The following BRAF variants were observed in gnomAD, a reference collection of about 807,000 sequenced individuals.
BRAF encodes serine/threonine-protein kinase B-raf.
A neutral mutation model predicts 104.6 loss-of-function variants in BRAF; 16 were observed. The observed-to-expected ratio is 0.15, with a 90% CI of 0.10 to 0.23. The LOEUF is 0.23. BRAF is among the 10% of genes least tolerant of loss of function. The pLI is 1.00. For missense variants in BRAF, 541 were observed against 937.3 expected, an observed-to-expected ratio of 0.58 and a Z score of 5.52; for synonymous variants, 310 against 341.6, an observed-to-expected ratio of 0.91 and a Z score of 1.02.
intron 8 of BRAF, among the ~76,000 whole-genome samples, chr7:140,793,504 A>C (rs990383283): frequency 2.0e-4 from 31 of 151,984 alleles, no homozygotes; most frequent in African/African-American, 7.5e-4. Context: ...AAAATTTATA[A>C]GTTTTTCTTT....
intron 1 of BRAF, among the ~76,000 whole-genome samples, chr7:140,871,956 C>A (rs1397342230): frequency 1.3e-5 from 2 of 152,086 alleles, no homozygotes; most frequent in East Asian, 3.9e-4. Context: ...GTGGCTCATG[C>A]CTGTAATCCT....
rs1015148003 is a variant in BRAF at position 140,720,215 on chromosome 7, A to G, written c.*6279T>C. On this transcript the variant is annotated 3_prime_UTR_variant, in exon 20 of 20. Coordinates refer to ENST00000644969, the MANE Select transcript of BRAF (RefSeq NM_001374258.1). ...AAAGGATCAGATGTACAACCAACAA[A>G]TGAGATTACCACAAATACATATCAC... 3 of 1,062,534 alleles carry G rather than the reference A, an allele frequency of 2.8e-6. No individual in the cohort carries two copies. In the African/African-American group the frequency reaches 4.9e-5, roughly 17 times the overall value. 65.8% of individuals were successfully genotyped at this position (1,062,534 alleles called of 1,614,324 possible). A position where few individuals can be genotyped will look rare whatever the true frequency, so the allele number is the denominator to read the frequency against.
chr7:140,789,957 T>TG (rs1463063310), intron 8 of BRAF, among the ~76,000 whole-genome samples: 4 of 152,230 alleles, frequency 2.6e-5, no homozygotes, highest in African/African-American at 9.6e-5. Context: ...CTTGAACTCC[T>TG]GACCTCAGGC....
chr7:140,721,833 C>T lies in BRAF; in HGVS notation c.*4661G>A. On this transcript the variant is annotated 3_prime_UTR_variant, in exon 20 of 20. Transcript: ENST00000644969. ...GTCATAAAGGATGCCTTGAGACCTC[C>T]ACCCTGGCCCCCACAGCGCTTTGGG... The T allele has an allele frequency of 7.4e-7, 1 of 1,352,840 alleles. No homozygotes were observed. Among genetic ancestry groups the T allele is most frequent in the Non-Finnish European group, 9.5e-7 (1 of 1,054,990 alleles). The allele number at this position is 1,352,840 out of a possible 1,614,324, so 83.8% of individuals were successfully genotyped here. A position where few individuals can be genotyped will look rare whatever the true frequency, so the allele number is the denominator to read the frequency against.
chr7:140,736,081 T>G (rs2130878690), intron 18 of BRAF, among the ~76,000 whole-genome samples: 1 of 151,284 alleles, frequency 6.6e-6, no homozygotes, highest in South Asian at 2.1e-4. Context: ...CCTTTTTTTT[T>G]TTTTTTTGAG....
At chr7:140,777,492 C>T (rs749064945) in intron 13 of BRAF, among the ~76,000 whole-genome samples, 1 of 152,030 alleles carries the variant, frequency 6.6e-6, no homozygotes, top group Non-Finnish European at 1.5e-5. Context: ...CTTTTTTTTC[C>T]GCACTCTGGA....
intron 5 of BRAF, among the ~76,000 whole-genome samples, chr7:140,804,708 A>G (rs1405825467): frequency 6.6e-6 from 1 of 152,158 alleles, no homozygotes; most frequent in East Asian, 1.9e-4. Flanking sequence ...TACCCTGACT[A>G]TATACAACAT....
chr7:140,726,036 A>C lies in BRAF; in HGVS notation c.*458T>G, dbSNP rs904605529. The C allele has an allele frequency of 1.3e-5, 14 of 1,070,948 alleles. No homozygotes were observed. The African/African-American group carries it at 2.0e-4, about 15-fold the overall frequency. The allele number at this position is 1,070,948 out of a possible 1,614,324, so 66.3% of individuals were successfully genotyped here. A position where few individuals can be genotyped will look rare whatever the true frequency, so the allele number is the denominator to read the frequency against. ...GTGGTCACTAGGGGAAAGAGCTCCA[A>C]AACAAAATTCCAGAACAGGAAAGAG... On this transcript the variant is annotated 3_prime_UTR_variant, in exon 20 of 20. Coordinates refer to ENST00000644969, the MANE Select transcript of BRAF (RefSeq NM_001374258.1).
chr7:140,798,755 G>A (rs118120087), intron 7 of BRAF, among the ~76,000 whole-genome samples: 2,610 of 151,930 alleles, frequency 0.017, 23 homozygotes, highest in South Asian at 0.035. Flanking sequence ...AGGAGTTCGA[G>A]AAATGTTCCA....
At position 140,723,088 on chromosome 7, in the gene BRAF, T is replaced by A. The variant is rs1795397183; in HGVS notation, c.*3406A>T. The A allele has an allele frequency of 9.5e-7, 1 of 1,051,438 alleles. No homozygotes were observed. 65.1% of individuals were successfully genotyped at this position (1,051,438 alleles called of 1,614,324 possible). On this transcript the variant is annotated 3_prime_UTR_variant, in exon 20 of 20. Transcript: ENST00000644969. ...ACCTCATTCTGAAGAGGTAGTTTTT[T>A]GTAGAGGTCACCTGAACCCTGCAAT...
Position 140,720,232 on chromosome 7 carries a change from A to G in BRAF, c.*6262T>C, listed in dbSNP as rs781451017. The G allele has an allele frequency of 4.3e-4, 462 of 1,062,662 alleles. No individual in the cohort carries two copies. Among genetic ancestry groups the G allele is most frequent in the Non-Finnish European group, 5.1e-4 (450 of 877,750 alleles). 65.8% of individuals were successfully genotyped at this position (1,062,662 alleles called of 1,614,324 possible). On this transcript the variant is annotated 3_prime_UTR_variant, in exon 20 of 20. Coordinates refer to ENST00000644969, the MANE Select transcript of BRAF (RefSeq NM_001374258.1). Reference sequence around the variant, plus strand: ...ACCAACAAATGAGATTACCACAAATACATATCACTGTGATACAGTCCTCAA... The same window carrying G: ...ACCAACAAATGAGATTACCACAAATGCATATCACTGTGATACAGTCCTCAA...
intron 1 of BRAF, among the ~76,000 whole-genome samples, chr7:140,862,701 A>T (rs1319550108): frequency 6.6e-6 from 1 of 152,138 alleles, no homozygotes; most frequent in African/African-American, 2.4e-5. Flanking sequence ...TGTTGACTTA[A>T]GGCTGGGGGG....
chr7:140,847,563 A>G (rs1808698715), intron 2 of BRAF, among the ~76,000 whole-genome samples: 1 of 152,036 alleles, frequency 6.6e-6, no homozygotes, highest in African/African-American at 2.4e-5. Flanking sequence ...AGCCCGGGAG[A>G]CAGCAAGATT....
At chr7:140,857,238 C>T (rs141521382) in intron 1 of BRAF, among the ~76,000 whole-genome samples, 2 of 152,202 alleles carry the variant, frequency 1.3e-5, no homozygotes, top group East Asian at 1.9e-4. Context: ...GAAGATGCTA[C>T]ACTGCTGACC....
At chr7:140,918,463 T>C (rs1817854247) in intron 1 of BRAF, among the ~76,000 whole-genome samples, 1 of 152,162 alleles carries the variant, frequency 6.6e-6, no homozygotes, top group African/African-American at 2.4e-5. Flanking sequence ...ACTCACCTCC[T>C]GCGGTGTAGT....
chr7:140,893,490 C>T (rs1465666380), intron 1 of BRAF, among the ~76,000 whole-genome samples: 3 of 152,110 alleles, frequency 2.0e-5, no homozygotes, highest in Non-Finnish European at 4.4e-5. Context: ...ACCTCGTGAT[C>T]TGCCCACCTC....
intron 1 of BRAF, among the ~76,000 whole-genome samples, chr7:140,883,606 T>C (rs1241769978): frequency 5.9e-5 from 9 of 152,224 alleles, no homozygotes. Flanking sequence ...TTTCTAAAGA[T>C]GAATAACCAT....
chr7:140,720,919 C>T lies in BRAF; in HGVS notation c.*5575G>A, dbSNP rs185465198. The T allele has an allele frequency of 6.8e-5, 72 of 1,065,848 alleles. No homozygotes were observed. In the East Asian group the frequency reaches 1.1e-3, roughly 17 times the overall value. The allele number at this position is 1,065,848 out of a possible 1,614,324, so 66.0% of individuals were successfully genotyped here. On this transcript the variant is annotated 3_prime_UTR_variant, in exon 20 of 20. Coordinates refer to ENST00000644969, the MANE Select transcript of BRAF (RefSeq NM_001374258.1). ...TTCACAAATTTTCTGCCAACTCTCC[C>T]GCATATGTGCTGTACATGAGAACCA... is the stretch of plus-strand genomic sequence containing the variant.
At position 140,722,849 on chromosome 7, in the gene BRAF, C is replaced by T. The variant is rs146928392; in HGVS notation, c.*3645G>A. ...TTGACTCAAGGTTAAGATTCTGAAACGTACCCCTAAACCGGTTCTGGCACC... is the reference window on the plus strand; with the variant it reads ...TTGACTCAAGGTTAAGATTCTGAAATGTACCCCTAAACCGGTTCTGGCACC... On this transcript the variant is annotated 3_prime_UTR_variant, in exon 20 of 20. Transcript: ENST00000644969. The T allele has an allele frequency of 1.4e-5, 15 of 1,053,548 alleles. No individual in the cohort carries two copies. Among genetic ancestry groups the T allele is most frequent in the Admixed American group, 5.5e-5 (1 of 18,340 alleles). 65.3% of individuals were successfully genotyped at this position (1,053,548 alleles called of 1,614,324 possible). A position where few individuals can be genotyped will look rare whatever the true frequency, so the allele number is the denominator to read the frequency against.
Sources: gnomAD v4.1 joint callset for allele counts (sites outside exome capture counted in the v4.1 genomes callset) on GRCh38, gnomAD v4.1.1 for gene constraint, MANE v1.5 for transcripts, NCBI Gene and HGNC (gene_info 2026-07-23, HGNC 2026-07-21) for gene names.